Variants in SPEF2 observed in about 807,000 individuals in gnomAD.
SPEF2 encodes sperm flagellar and cilia associated 2.
A neutral mutation model predicts 224.6 loss-of-function variants in SPEF2; 187 were observed. The ratio of observed to expected loss-of-function variants is 0.83; its 90% CI spans 0.74 to 0.94. The LOEUF (loss-of-function observed/expected upper bound fraction) is 0.94. SPEF2 is among the 40% of genes least tolerant of loss of function. SPEF2 has a pLI of 0.00. For missense variants in SPEF2, 2,170 were observed against 2,135.6 expected (o/e 1.02, Z -0.32); for synonymous variants, 715 against 707.3 (o/e 1.01, Z -0.17).
chr5:35,670,221 A>C lies in SPEF2; in HGVS notation c.1518A>C (p.Glu506Asp). The C allele has an allele frequency of 2.5e-6, 4 of 1,604,942 alleles. No individual in the cohort carries two copies. Among genetic ancestry groups the C allele is most frequent in the Non-Finnish European group, 3.4e-6 (4 of 1,176,188 alleles). ...RDLLDTNDYEEYKNMVGEWAL... is the reference protein window; with the variant it reads ...RDLLDTNDYEDYKNMVGEWAL... ...TGCTAGATACCAATGATTATGAAGA[A>C]TATAAGGTACCTACTGATATGAAAT... is the stretch of plus-strand genomic sequence containing the variant. Residue 506 changes from glutamate (E) to aspartate (D), a missense_variant, in exon 10 of 37, where the codon GAA (glutamate) becomes GAC (aspartate). Physicochemically the swap from Glu to Asp is conservative, Grantham distance 45. Coordinates refer to ENST00000356031, the MANE Select transcript of SPEF2 (RefSeq NM_024867.4).
At chr5:35,740,289 G>T in intron 23 of SPEF2, 22 bp downstream of exon 23, 2 of 1,613,040 alleles carry the variant, frequency 1.2e-6, no homozygotes, top group Non-Finnish European at 8.5e-7. Context: ...GTGACCTATT[G>T]GGACAGGGTT....
intron 33 of SPEF2, among the ~76,000 whole-genome samples, chr5:35,798,888 C>G (rs936684002): frequency 6.6e-6 from 1 of 152,186 alleles, no homozygotes; most frequent in African/African-American, 2.4e-5. Flanking sequence ...TGAGCCACCA[C>G]GCCTGGCCTC....
chr5:35,770,057 T>C (rs541406578), intron 26 of SPEF2, among the ~76,000 whole-genome samples: 47 of 149,632 alleles, frequency 3.1e-4, no homozygotes, highest in African/African-American at 1.1e-3. Context: ...GTGTGTTGTT[T>C]CTACCTTTGG....
intron 23 of SPEF2, among the ~76,000 whole-genome samples, chr5:35,747,668 G>T (rs1235939972): frequency 6.6e-6 from 1 of 152,132 alleles, no homozygotes; most frequent in Non-Finnish European, 1.5e-5. Context: ...TAACACTGGA[G>T]CTCCCAAATT....
chr5:35,797,703 T>C (rs1756874809), intron 33 of SPEF2, among the ~76,000 whole-genome samples: 2 of 152,156 alleles, frequency 1.3e-5, no homozygotes. Context: ...TTAACCTGCT[T>C]AAGAAAGGTG....
At chr5:35,645,257 AT>A (rs1398346685) in intron 4 of SPEF2, among the ~76,000 whole-genome samples, 1 of 152,204 alleles carries the variant, frequency 6.6e-6, no homozygotes, top group Non-Finnish European at 1.5e-5. Flanking sequence ...TCATGGATTT[AT>A]TTGCAATGAT....
intron 25 of SPEF2, among the ~76,000 whole-genome samples, 159 bp from the exon 26 acceptor site, chr5:35,763,363 G>A (rs771238024): frequency 6.6e-6 from 1 of 152,120 alleles, no homozygotes; most frequent in Non-Finnish European, 1.5e-5. Context: ...TTTGAATGCA[G>A]TGTTTTATAA....
chr5:35,772,195 A>G (rs531134261), intron 27 of SPEF2, among the ~76,000 whole-genome samples: 16 of 152,306 alleles, frequency 1.1e-4, no homozygotes, highest in African/African-American at 3.8e-4. Context: ...GAGGGAAAAC[A>G]AAGAGTTCAG....
intron 23 of SPEF2, among the ~76,000 whole-genome samples, chr5:35,745,697 A>G (rs904951114): frequency 1.3e-5 from 2 of 152,144 alleles, no homozygotes; most frequent in Non-Finnish European, 2.9e-5. Flanking sequence ...GAGCTCAGAC[A>G]TGCTTAGCTC....
At chr5:35,764,690 T>C (rs753735296) in intron 26 of SPEF2, 14 of 456,076 alleles carry the variant, frequency 3.1e-5, no homozygotes, top group Non-Finnish European at 5.7e-5. Context: ...AGCACAGATC[T>C]CACAGCAAAC....
chr5:35,788,768 G>A, intron 30 of SPEF2: 1 of 702,994 alleles, frequency 1.4e-6, no homozygotes, highest in South Asian at 1.5e-5. Context: ...ATATTGCTTT[G>A]CACATCACCT....
chr5:35,632,727 C>T (rs556107640), intron 2 of SPEF2, among the ~76,000 whole-genome samples: 5 of 152,210 alleles, frequency 3.3e-5, no homozygotes, highest in Non-Finnish European at 5.9e-5. Flanking sequence ...ACTGATTCAG[C>T]TGTATCACAT....
At chr5:35,676,013 T>A (rs982216525) in intron 10 of SPEF2, 6 of 456,072 alleles carry the variant, frequency 1.3e-5, no homozygotes, top group African/African-American at 6.0e-5. Context: ...TTGAAAACCA[T>A]GGTAGAAATT....
At chr5:35,655,869 C>A (rs1005953953) in intron 7 of SPEF2, among the ~76,000 whole-genome samples, 51 of 152,230 alleles carry the variant, frequency 3.4e-4, no homozygotes, top group African/African-American at 1.2e-3. Context: ...GTCAGACTTG[C>A]CTGTGGAAAG....
chr5:35,714,928 T>TG (rs1329196920), intron 20 of SPEF2, among the ~76,000 whole-genome samples: 1 of 152,100 alleles, frequency 6.6e-6, no homozygotes, highest in Non-Finnish European at 1.5e-5. Context: ...TGTTGTTTCT[T>TG]GTTTTGAAAC....
At chr5:35,724,515 A>G (rs1744303420) in intron 20 of SPEF2, among the ~76,000 whole-genome samples, 1 of 152,210 alleles carries the variant, frequency 6.6e-6, no homozygotes, top group Non-Finnish European at 1.5e-5. Flanking sequence ...TATGAATCAA[A>G]AGAACATTTA....
intron 7 of SPEF2, among the ~76,000 whole-genome samples, chr5:35,658,497 T>C (rs1355881282): frequency 6.6e-6 from 1 of 152,240 alleles, no homozygotes; most frequent in Non-Finnish European, 1.5e-5. Flanking sequence ...GCCTGATTTG[T>C]TTTATAACTA....
intron 21 of SPEF2, among the ~76,000 whole-genome samples, chr5:35,735,001 C>T (rs1018445494): frequency 2.0e-5 from 3 of 152,088 alleles, no homozygotes; most frequent in Non-Finnish European, 4.4e-5. Flanking sequence ...TGAGACACCA[C>T]GCCCGGCCAT....
In SPEF2 at chr5:35,759,513, T is replaced by C. The variant is rs1750925959; in HGVS notation, c.3469-55T>C. 4.3e-6 allele frequency: 6 copies of C among 1,408,954 alleles called. No homozygotes were observed. In the South Asian group the frequency reaches 5.6e-5, roughly 13 times the overall value. 87.3% of individuals were successfully genotyped at this position (1,408,954 alleles called of 1,614,324 possible). A position where few individuals can be genotyped will look rare whatever the true frequency, so the allele number is the denominator to read the frequency against. On this transcript the variant is annotated intron_variant, in intron 24 of 36. Transcript: ENST00000356031. ...CTTTCAGAGGCTTATATCGGAAATA[T>C]GTACAGATCAGCTTGTTCTTTCTTG...
Sources: allele counts gnomAD v4.1 joint callset (sites outside exome capture counted in the v4.1 genomes callset), GRCh38; gene constraint gnomAD v4.1.1; transcripts MANE v1.5; gene names NCBI Gene and HGNC (gene_info 2026-07-23, HGNC 2026-07-21).